The following CACNA2D3 variants were observed in gnomAD, a reference collection of about 807,000 sequenced individuals.
The protein encoded by CACNA2D3 is calcium voltage-gated channel auxiliary subunit alpha2delta 3, also known as voltage-dependent calcium channel subunit alpha-2/delta-3.
In CACNA2D3, 60 loss-of-function variants were observed where a neutral mutation model predicts 160.6. The observed-to-expected ratio is 0.37, with a 90% CI of 0.30 to 0.46. The LOEUF is 0.46. CACNA2D3 is among the 20% of genes least tolerant of loss of function. The pLI, the probability that CACNA2D3 is intolerant of heterozygous loss-of-function variation, is 1.00. For synonymous variants in CACNA2D3, 558 were observed against 492.9 expected (o/e 1.13, Z -1.75); for missense variants, 1,205 against 1,365.0 (o/e 0.88, Z 1.85).
chr3:54,371,111 A>T (rs1201296653), intron 3 of CACNA2D3, among the ~76,000 whole-genome samples: 1 of 152,138 alleles, frequency 6.6e-6, no homozygotes, highest in Non-Finnish European at 1.5e-5. Flanking sequence ...TGATCCATTC[A>T]TCAGTTCTTG....
chr3:54,259,530 G>A (rs564295584), intron 2 of CACNA2D3, among the ~76,000 whole-genome samples: 4 of 152,220 alleles, frequency 2.6e-5, no homozygotes, highest in East Asian at 3.9e-4. Context: ...ATGGAGAGCC[G>A]GATAGAAATG....
intron 35 of CACNA2D3, among the ~76,000 whole-genome samples, chr3:55,034,414 T>G (rs760862779): frequency 5.9e-5 from 9 of 152,090 alleles, no homozygotes; most frequent in Non-Finnish European, 1.2e-4. Context: ...ATTGTTAGTC[T>G]TTTCTTTTAA....
At chr3:54,404,874 A>T (rs1183520699) in intron 4 of CACNA2D3, among the ~76,000 whole-genome samples, 3 of 152,086 alleles carry the variant, frequency 2.0e-5, no homozygotes, top group Non-Finnish European at 4.4e-5. Context: ...TAATAGCATC[A>T]AAAATAAAAC....
rs547455885 is a variant in CACNA2D3 at position 54,431,034 on chromosome 3, A to G, written c.381+44260A>G. Among the ~76,000 whole-genome samples, 305 of 152,218 alleles carry G rather than the reference A, an allele frequency of 2.0e-3. 5 individuals carry two copies. The highest frequency in any genetic ancestry group is 4.0e-4 in the Non-Finnish European group (27 of 68,014). ...GAATAGATTAGCTAGAGAAAAGAAA[A>G]TGTACTAAGAAAAATCATAAGGGGC... On this transcript the variant is annotated intron_variant, in intron 4 of 37. Transcript: ENST00000474759.
chr3:54,903,028 G>T (rs1232328294), intron 27 of CACNA2D3, among the ~76,000 whole-genome samples: 4 of 152,110 alleles, frequency 2.6e-5, no homozygotes, highest in Non-Finnish European at 4.4e-5. Context: ...TGTTATAACA[G>T]AATACCACAG....
chr3:54,554,058 C>T (rs756047865), intron 5 of CACNA2D3, among the ~76,000 whole-genome samples: 1 of 152,154 alleles, frequency 6.6e-6, no homozygotes, highest in African/African-American at 2.4e-5. Context: ...CCAGATTCTT[C>T]CCAAGTCAGG....
intron 27 of CACNA2D3, among the ~76,000 whole-genome samples, chr3:54,913,052 A>T (rs533257384): frequency 9.2e-5 from 14 of 152,210 alleles, no homozygotes; most frequent in African/African-American, 3.1e-4. Flanking sequence ...CACCCCACTC[A>T]TCTGTTTCAA....
chr3:54,788,394 G>A (rs1450387044), intron 13 of CACNA2D3, among the ~76,000 whole-genome samples: 2 of 152,154 alleles, frequency 1.3e-5, no homozygotes, highest in Non-Finnish European at 2.9e-5. Context: ...GGGAAGATCT[G>A]TCAGGGCACC....
chr3:54,169,043 A>C (rs1292327309), intron 2 of CACNA2D3, among the ~76,000 whole-genome samples: 2 of 152,188 alleles, frequency 1.3e-5, no homozygotes, highest in Non-Finnish European at 2.9e-5. Flanking sequence ...AGAATATGAA[A>C]CATGCCATCA....
intron 4 of CACNA2D3, among the ~76,000 whole-genome samples, chr3:54,425,765 C>T (rs1414362580): frequency 6.6e-6 from 1 of 152,220 alleles, no homozygotes; most frequent in Admixed American, 6.5e-5. Context: ...GGCCCTGGGT[C>T]AGGCCCTAAG....
chr3:54,363,827 C>T (rs570659005), intron 3 of CACNA2D3, among the ~76,000 whole-genome samples: 4 of 152,178 alleles, frequency 2.6e-5, no homozygotes, highest in Admixed American at 2.6e-4. Context: ...CAGGGAGTGA[C>T]CAGGATCTGA....
At chr3:54,594,833 G>C (rs1362172042) in intron 9 of CACNA2D3, among the ~76,000 whole-genome samples, 2 of 152,206 alleles carry the variant, frequency 1.3e-5, no homozygotes, top group East Asian at 1.9e-4. Context: ...TTTGTCAGCT[G>C]AGTTGACAGA....
At chr3:54,980,974 A>G (rs760928678) in intron 29 of CACNA2D3, among the ~76,000 whole-genome samples, 18 of 152,200 alleles carry the variant, frequency 1.2e-4, no homozygotes, top group Non-Finnish European at 2.1e-4. Flanking sequence ...TTAAGCACCT[A>G]TTATTTTTAA....
At chr3:54,494,686 C>T (rs531196712) in intron 4 of CACNA2D3, among the ~76,000 whole-genome samples, 2 of 152,268 alleles carry the variant, frequency 1.3e-5, no homozygotes, top group African/African-American at 4.8e-5. Context: ...TTTCACACTG[C>T]TATAAAGAAT....
intron 13 of CACNA2D3, among the ~76,000 whole-genome samples, chr3:54,775,923 T>C (rs1702416745): frequency 1.3e-5 from 2 of 152,180 alleles, no homozygotes; most frequent in Admixed American, 1.3e-4. Context: ...CTTTCTTCCT[T>C]CTTCCTTTGT....
At chr3:54,833,583 G>A (rs1385826068) in intron 14 of CACNA2D3, among the ~76,000 whole-genome samples, 1 of 151,564 alleles carries the variant, frequency 6.6e-6, no homozygotes, top group Non-Finnish European at 1.5e-5. Flanking sequence ...TCTGCTTGGT[G>A]GTCTGGGAAA....
intron 35 of CACNA2D3, among the ~76,000 whole-genome samples, chr3:55,039,445 A>C (rs1575447390): frequency 6.6e-6 from 1 of 152,254 alleles, no homozygotes; most frequent in Non-Finnish European, 1.5e-5. Flanking sequence ...TGTGACAGAC[A>C]TACAAAATTA....
At chr3:54,422,364 G>A (rs568923523) in intron 4 of CACNA2D3, among the ~76,000 whole-genome samples, 18 of 152,302 alleles carry the variant, frequency 1.2e-4, no homozygotes, top group African/African-American at 3.8e-4. Context: ...TGCTAGGGAC[G>A]TTTGAAGAGC....
intron 27 of CACNA2D3, among the ~76,000 whole-genome samples, chr3:54,928,887 A>G (rs1701107100): frequency 6.6e-6 from 1 of 152,088 alleles, no homozygotes; most frequent in South Asian, 2.1e-4. Context: ...ACTCTTCTCT[A>G]ATTGAAGCTT....
Sources: allele counts gnomAD v4.1 joint callset (sites outside exome capture counted in the v4.1 genomes callset), GRCh38; gene constraint gnomAD v4.1.1; transcripts MANE v1.5; gene names NCBI Gene and HGNC (gene_info 2026-07-23, HGNC 2026-07-21).